Variants in CNTNAP2 observed in about 807,000 individuals in gnomAD.
CNTNAP2 encodes contactin associated protein 2.
A neutral mutation model predicts 155.2 loss-of-function variants in CNTNAP2; 98 were observed. The observed-to-expected ratio is 0.63, with a 90% CI of 0.54 to 0.75. The LOEUF is 0.75. Among genes scored for constraint, CNTNAP2 ranks in the 30% least tolerant of loss-of-function variants. CNTNAP2 has a pLI of 0.00. For synonymous variants in CNTNAP2, 651 were observed against 631.2 expected (o/e 1.03, Z -0.47); for missense variants, 1,727 against 1,688.1 (o/e 1.02, Z -0.40).
chr7:146,802,637 T>C (rs566770520), intron 2 of CNTNAP2, among the ~76,000 whole-genome samples: 1 of 152,146 alleles, frequency 6.6e-6, no homozygotes, highest in Non-Finnish European at 1.5e-5. Flanking sequence ...AAAACACGCA[T>C]GCCTCACCTT....
chr7:147,291,404 T>C (rs1805308973), intron 8 of CNTNAP2, among the ~76,000 whole-genome samples: 1 of 152,170 alleles, frequency 6.6e-6, no homozygotes, highest in Admixed American at 6.5e-5. Flanking sequence ...AACATATTCA[T>C]AAAATATGTT....
chr7:148,254,988 T>C (rs1471273951), intron 20 of CNTNAP2, among the ~76,000 whole-genome samples: 1 of 152,142 alleles, frequency 6.6e-6, no homozygotes, highest in Non-Finnish European at 1.5e-5. Context: ...AAAAATGCCA[T>C]ATAAAATTAA....
intron 1 of CNTNAP2, among the ~76,000 whole-genome samples, chr7:146,450,137 C>G (rs73738794): frequency 0.017 from 2,653 of 152,188 alleles, 80 homozygotes; most frequent in African/African-American, 0.06. Flanking sequence ...ACAACAACAA[C>G]AACAAAGGTA....
At chr7:146,400,562 A>G (rs1183457482) in intron 1 of CNTNAP2, among the ~76,000 whole-genome samples, 1 of 152,174 alleles carries the variant, frequency 6.6e-6, no homozygotes, top group Non-Finnish European at 1.5e-5. Flanking sequence ...TGGAAAGGAG[A>G]TTTCTATTTT....
At chr7:146,252,582 C>T (rs928448245) in intron 1 of CNTNAP2, among the ~76,000 whole-genome samples, 13 of 152,076 alleles carry the variant, frequency 8.5e-5, no homozygotes, top group African/African-American at 3.1e-4. Flanking sequence ...TAGTATAAGT[C>T]AGGGCAGGAA....
At chr7:146,316,403 A>G (rs1394900111) in intron 1 of CNTNAP2, among the ~76,000 whole-genome samples, 5 of 152,188 alleles carry the variant, frequency 3.3e-5, no homozygotes, top group Admixed American at 6.6e-5. Flanking sequence ...TGAACCCTGC[A>G]GTCTTGAACC....
chr7:146,468,863 A>G (rs1054676698), intron 1 of CNTNAP2, among the ~76,000 whole-genome samples: 16 of 152,332 alleles, frequency 1.1e-4, no homozygotes, highest in African/African-American at 3.6e-4. Flanking sequence ...AAGAGAATGC[A>G]CAACCAAATT....
intron 22 of CNTNAP2, among the ~76,000 whole-genome samples, chr7:148,386,977 A>C (rs1799225188): frequency 1.3e-5 from 2 of 152,228 alleles, no homozygotes; most frequent in Non-Finnish European, 2.9e-5. Context: ...GTGCTTGTTC[A>C]TGCAGGCCTG....
intron 1 of CNTNAP2, among the ~76,000 whole-genome samples, chr7:146,302,304 C>T (rs1800625703): frequency 6.6e-6 from 1 of 152,096 alleles, no homozygotes. Context: ...ATCGCAACTT[C>T]TGTATCCATC....
intron 15 of CNTNAP2, among the ~76,000 whole-genome samples, chr7:148,007,670 CA>C (rs1291421399): frequency 6.6e-6 from 1 of 152,098 alleles, no homozygotes; most frequent in African/African-American, 2.4e-5. Flanking sequence ...AGGAATGTGT[CA>C]ATAGTGATTA....
intron 8 of CNTNAP2, among the ~76,000 whole-genome samples, chr7:147,186,725 C>T (rs559314686): frequency 3.0e-4 from 46 of 152,070 alleles, no homozygotes; most frequent in Admixed American, 6.6e-4. Context: ...AAACTGTCCA[C>T]GTAGAGATGT....
chr7:147,231,225 G>A (rs192338358), intron 8 of CNTNAP2, among the ~76,000 whole-genome samples: 5 of 152,320 alleles, frequency 3.3e-5, no homozygotes, highest in Admixed American at 6.5e-5. Context: ...ATCACCTAAT[G>A]TCCTCCAGTT....
intron 3 of CNTNAP2, among the ~76,000 whole-genome samples, chr7:146,899,320 T>C (rs187240631): frequency 6.6e-6 from 1 of 152,320 alleles, no homozygotes; most frequent in Admixed American, 6.5e-5. Context: ...GACAAGTTTA[T>C]TGGACTTTTC....
chr7:146,806,205 A>C (rs931669845), intron 2 of CNTNAP2, among the ~76,000 whole-genome samples: 6 of 152,060 alleles, frequency 3.9e-5, no homozygotes, highest in African/African-American at 1.2e-4. Flanking sequence ...TGCAATGAAA[A>C]CTGAGGACAG....
intron 8 of CNTNAP2, among the ~76,000 whole-genome samples, chr7:147,220,014 C>G (rs1198943771): frequency 6.9e-6 from 1 of 145,150 alleles, no homozygotes; most frequent in African/African-American, 2.6e-5. Flanking sequence ...TGGTCTCTAT[C>G]TCCTGAGCTC....
intron 1 of CNTNAP2, among the ~76,000 whole-genome samples, chr7:146,461,859 A>T (rs745608386): frequency 6.6e-6 from 1 of 152,236 alleles, no homozygotes; most frequent in Non-Finnish European, 1.5e-5. Context: ...AAATCAACGT[A>T]GACTAGGCTA....
chr7:146,521,907 G>A (rs1797621576), intron 1 of CNTNAP2, among the ~76,000 whole-genome samples: 1 of 151,946 alleles, frequency 6.6e-6, no homozygotes, highest in Non-Finnish European at 1.5e-5. Context: ...GTTTTTCAGT[G>A]CCAGATAATT....
chr7:146,565,210 A>G (rs1176942373), intron 1 of CNTNAP2, among the ~76,000 whole-genome samples: 1 of 152,120 alleles, frequency 6.6e-6, no homozygotes, highest in Admixed American at 6.6e-5. Context: ...TGAGAGGTAC[A>G]GCTTATACAA....
intron 1 of CNTNAP2, among the ~76,000 whole-genome samples, chr7:146,549,876 C>G (rs1387445330): frequency 6.6e-6 from 1 of 152,034 alleles, no homozygotes; most frequent in African/African-American, 2.4e-5. Context: ...ACCTCCCTGT[C>G]AAGGACATCA....
Sources: gnomAD v4.1 joint callset for allele counts (sites outside exome capture counted in the v4.1 genomes callset) on GRCh38, gnomAD v4.1.1 for gene constraint, MANE v1.5 for transcripts, NCBI Gene and HGNC (gene_info 2026-07-23, HGNC 2026-07-21) for gene names.